FBXL17: variants seen among roughly 807,000 people sequenced by gnomAD.
FBXL17 encodes F-box and leucine rich repeat protein 17, also known as F-box/LRR-repeat protein 17.
FBXL17 carries 22 observed loss-of-function variants against 66.2 expected under a neutral mutation model. The observed-to-expected ratio is 0.33, with a 90% CI of 0.24 to 0.47. FBXL17 has a LOEUF of 0.47. Among genes scored for constraint, FBXL17 ranks in the 20% least tolerant of loss-of-function variants. The probability of loss-of-function intolerance (pLI) is 1.00; values close to 1 mark genes in which losing one functional copy is unlikely to be tolerated. For synonymous variants in FBXL17, 474 were observed against 400.5 expected (o/e 1.18, Z -2.19); for missense variants, 878 against 948.2 (o/e 0.93, Z 0.97).
intron 6 of FBXL17, among the ~76,000 whole-genome samples, chr5:108,070,596 T>C (rs948421295): frequency 1.3e-5 from 2 of 152,224 alleles, no homozygotes; most frequent in African/African-American, 4.8e-5. Context: ...TACTCATTAG[T>C]GTAAACTGAT....
At chr5:108,287,474 C>T (rs545597201) in intron 4 of FBXL17, among the ~76,000 whole-genome samples, 8 of 151,728 alleles carry the variant, frequency 5.3e-5, no homozygotes, top group African/African-American at 1.7e-4. Context: ...ACAGACACTT[C>T]TCAAAAGAAG....
chr5:108,290,892 CTTG>C (rs1758084024), intron 4 of FBXL17, among the ~76,000 whole-genome samples: 1 of 152,090 alleles, frequency 6.6e-6, no homozygotes, highest in Non-Finnish European at 1.5e-5. Flanking sequence ...AATGTTTAAT[CTTG>C]TTTTCTGCAT....
chr5:108,020,883 T>A, intron 7 of FBXL17, 42 bp downstream of exon 7: 1 of 1,408,960 alleles, frequency 7.1e-7, no homozygotes, highest in Non-Finnish European at 1.0e-6. Context: ...TTTTGTAACT[T>A]TTTATTCTTA....
At chr5:107,964,420 T>TA (rs11447895) in intron 7 of FBXL17, among the ~76,000 whole-genome samples, 61,965 of 151,854 alleles carry the variant, frequency 0.41, 12,845 homozygotes, top group South Asian at 0.51. Flanking sequence ...TCTGTTCCTT[T>TA]AAAAAAATTA....
At chr5:108,093,436 T>A (rs1749259371) in intron 6 of FBXL17, among the ~76,000 whole-genome samples, 1 of 152,172 alleles carries the variant, frequency 6.6e-6, no homozygotes. Flanking sequence ...GGAACCATAG[T>A]TGACTTCACT....
intron 7 of FBXL17, among the ~76,000 whole-genome samples, chr5:107,998,542 AT>A (rs543152068): frequency 6.6e-6 from 1 of 151,744 alleles, no homozygotes; most frequent in Non-Finnish European, 1.5e-5. Context: ...TTAATTCTAA[AT>A]ATATATATTC....
intron 3 of FBXL17, among the ~76,000 whole-genome samples, chr5:108,353,147 T>C (rs549896868): frequency 1.1e-4 from 17 of 152,294 alleles, no homozygotes; most frequent in Admixed American, 4.6e-4. Flanking sequence ...AGTTTAGAAG[T>C]TGCCAATCTG....
chr5:107,978,130 C>A (rs1487935919), intron 7 of FBXL17, among the ~76,000 whole-genome samples: 1 of 151,638 alleles, frequency 6.6e-6, no homozygotes, highest in Non-Finnish European at 1.5e-5. Context: ...GCTGACACTG[C>A]TGGATAGGGA....
At chr5:108,360,487 T>G (rs1478246270) in intron 3 of FBXL17, among the ~76,000 whole-genome samples, 1 of 152,148 alleles carries the variant, frequency 6.6e-6, no homozygotes, top group Non-Finnish European at 1.5e-5. Context: ...TTGTATGTGA[T>G]GAGTCACTTA....
At chr5:108,263,502 C>T (rs1357687040) in intron 4 of FBXL17, among the ~76,000 whole-genome samples, 1 of 152,128 alleles carries the variant, frequency 6.6e-6, no homozygotes, top group Non-Finnish European at 1.5e-5. Flanking sequence ...TACATGTTTA[C>T]ATTCAATGAA....
intron 7 of FBXL17, among the ~76,000 whole-genome samples, chr5:107,941,500 G>A (rs1246997994): frequency 6.6e-6 from 1 of 152,142 alleles, no homozygotes. Flanking sequence ...CCTCGGATGT[G>A]AAGCCACTAG....
chr5:108,326,347 C>T (rs1279448804), intron 4 of FBXL17, among the ~76,000 whole-genome samples: 3 of 151,928 alleles, frequency 2.0e-5, no homozygotes, highest in Admixed American at 6.6e-5. Flanking sequence ...AATCACAGCA[C>T]TTTGTGAGGC....
chr5:107,911,998 T>TA (rs1749964098), intron 7 of FBXL17, among the ~76,000 whole-genome samples: 1 of 151,906 alleles, frequency 6.6e-6, no homozygotes, highest in Non-Finnish European at 1.5e-5. Flanking sequence ...GAACAGCAAA[T>TA]AAAAAGGTTT....
intron 5 of FBXL17, among the ~76,000 whole-genome samples, chr5:108,216,435 A>C (rs1422976970): frequency 6.6e-6 from 1 of 152,164 alleles, no homozygotes; most frequent in African/African-American, 2.4e-5. Flanking sequence ...TTTGATAATA[A>C]TGTAAATGAA....
At chr5:108,254,663 C>T (rs562184894) in intron 4 of FBXL17, among the ~76,000 whole-genome samples, 1 of 152,258 alleles carries the variant, frequency 6.6e-6, no homozygotes, top group Non-Finnish European at 1.5e-5. Context: ...AAGGATGCTA[C>T]AATATGCTAA....
intron 7 of FBXL17, among the ~76,000 whole-genome samples, chr5:107,997,304 G>C (rs546264814): frequency 6.6e-6 from 1 of 152,282 alleles, no homozygotes; most frequent in South Asian, 2.1e-4. Flanking sequence ...AAAATACTTA[G>C]AGCTGGTCTC....
chr5:108,254,882 C>G lies in FBXL17; in HGVS notation c.1507-30654G>C, dbSNP rs559288190. Among the ~76,000 whole-genome samples, 28 of 152,270 alleles carry G rather than the reference C, an allele frequency of 1.8e-4. No individual in the cohort carries two copies. In the South Asian group the frequency reaches 5.8e-3, roughly 32 times the overall value. ...AATCCCAATGTCTTAAACTGCCTAT[C>G]TACATACACACCACTCAATCACAAT... is the stretch of plus-strand genomic sequence containing the variant. On this transcript the variant is annotated intron_variant, in intron 4 of 8. Coordinates refer to ENST00000542267, the MANE Select transcript of FBXL17 (RefSeq NM_001163315.3).
intron 5 of FBXL17, among the ~76,000 whole-genome samples, chr5:108,208,541 C>G (rs1033046598): frequency 6.6e-6 from 1 of 151,962 alleles, no homozygotes; most frequent in Admixed American, 6.6e-5. Flanking sequence ...TTGTGCAGTT[C>G]TCACAACACC....
chr5:108,236,143 G>A lies in FBXL17; in HGVS notation c.1507-11915C>T, dbSNP rs148583539. ...GTAGAATCACTTGAGCCCAGAGGTC[G>A]AGGCTGCAGTGAGCTTGGACCATAC... On this transcript the variant is annotated intron_variant, in intron 4 of 8. Coordinates refer to ENST00000542267, the MANE Select transcript of FBXL17 (RefSeq NM_001163315.3). Among the ~76,000 whole-genome samples, 294 of 152,240 alleles carry A rather than the reference G, an allele frequency of 1.9e-3. 2 individuals carry two copies. The highest frequency in any genetic ancestry group is 6.9e-3 in the African/African-American group (286 of 41,518).
Sources: gnomAD v4.1 joint callset for allele counts (sites outside exome capture counted in the v4.1 genomes callset) on GRCh38, gnomAD v4.1.1 for gene constraint, MANE v1.5 for transcripts, NCBI Gene and HGNC (gene_info 2026-07-23, HGNC 2026-07-21) for gene names.